FRY: variants seen among roughly 807,000 people sequenced by gnomAD.
FRY encodes protein furry homolog.
Under a neutral mutation model 348.4 loss-of-function variants are expected in FRY, and 128 were observed. The observed-to-expected ratio is 0.37, with a 90% confidence interval of 0.32 to 0.43. The LOEUF (loss-of-function observed/expected upper bound fraction) is 0.43. Ranked by LOEUF, FRY falls within the 20% of genes least tolerant of loss-of-function variation. FRY has a pLI of 1.00. For synonymous variants in FRY, 1,370 were observed against 1,374.7 expected (o/e 1.00, Z 0.08); for missense variants, 2,736 against 3,695.2 (o/e 0.74, Z 6.73).
Position 32,057,538 on chromosome 13 carries a change from C to T in FRY, c.71-21296C>T, listed in dbSNP as rs563404783. On this transcript the variant is annotated intron_variant, in intron 1 of 60. Transcript: ENST00000542859. ...TTTATGCTAATAAGTAGCTATTGGC[C>T]GGTAGCCTAAGAACAGTCCTCCCAG... is the stretch of plus-strand genomic sequence containing the variant. 1.8e-3 allele frequency among the ~76,000 whole-genome samples: 268 copies of T among 152,228 alleles called. 2 individuals carry two copies. Among genetic ancestry groups the T allele is most frequent in the African/African-American group, 4.9e-3 (203 of 41,522 alleles).
intron 1 of FRY, among the ~76,000 whole-genome samples, chr13:32,042,694 G>A (rs1469092756): frequency 6.6e-6 from 1 of 152,204 alleles, no homozygotes; most frequent in Non-Finnish European, 1.5e-5. Context: ...GGGCTTTCTT[G>A]TAACAAGAAG....
intron 2 of FRY, among the ~76,000 whole-genome samples, chr13:32,092,810 A>T (rs1334224870): frequency 6.6e-6 from 1 of 152,220 alleles, no homozygotes; most frequent in Non-Finnish European, 1.5e-5. Flanking sequence ...GCAAATGGGG[A>T]GAAATGAACA....
intron 58 of FRY, among the ~76,000 whole-genome samples, chr13:32,283,806 A>C (rs929683514): frequency 6.6e-6 from 1 of 152,236 alleles, no homozygotes; most frequent in African/African-American, 2.4e-5. Context: ...ATTTGCGGAC[A>C]CTGCTTTAGT....
At chr13:32,093,842 G>A (rs1876500641) in intron 2 of FRY, among the ~76,000 whole-genome samples, 1 of 152,240 alleles carries the variant, frequency 6.6e-6, no homozygotes, top group African/African-American at 2.4e-5. Flanking sequence ...TGCTTTTTCA[G>A]AATGATTTTG....
rs752214826 is a variant in FRY at position 32,295,410 on chromosome 13, G to A, written c.8992G>A (p.Val2998Ile). 17 of 1,612,548 alleles carry A rather than the reference G, an allele frequency of 1.1e-5. No homozygotes were observed. The East Asian group carries it at 3.8e-4, about 36-fold the overall frequency. ...GATCCGCAGGGCCCAGAGTTACCGA[G>A]TCCTCACTACTTTTCTTCCAGACTC... ...DMIRRAQSYR[V>I]LTTFLPDSSV... The change falls in exon 61 of 61, where the codon GTC becomes ATC. Residue 2998 changes from valine (V) to isoleucine (I), a missense_variant. Transcript: ENST00000542859.
rs1244329852 is a variant in FRY at position 32,155,583 on chromosome 13, T to C, written c.1572T>C (p.Val524=). 1.2e-6 allele frequency: 2 copies of C among 1,613,514 alleles called. No homozygotes were observed. The highest frequency in any genetic ancestry group is 1.7e-5 in the Admixed American group (1 of 60,020). The change falls in exon 15 of 61, where the codon GTT becomes GTC. Residue 524 remains valine, a synonymous_variant. Coordinates refer to ENST00000542859, the MANE Select transcript of FRY (RefSeq NM_023037.3). The part of the protein sequence containing the change: ...GEPPMPVTGA[V]LPSGNTLRVK... ...CTCCCATGCCGGTTACAGGAGCCGT[T>C]CTTCCTTCAGGAAACACGTTAAGAG...
chr13:32,265,508 CCATCAATGAA>C lies in FRY; in HGVS notation c.7840_7849del (p.Ile2614SerfsTer15). On this transcript the variant is annotated frameshift_variant, in exon 54 of 61. Transcript: ENST00000542859. LOFTEE classifies it high-confidence loss of function. ...GTGCATGAGGATGATCTTTCTAGTT[CCATCAATGAA>C]CTCCCAGCAGCTTTTGAATGCAGCG... The C allele has an allele frequency of 6.2e-7, 1 of 1,614,122 alleles. No individual in the cohort carries two copies. The highest frequency in any genetic ancestry group is 8.5e-7 in the Non-Finnish European group (1 of 1,179,988).
chr13:32,151,248 G>GTCAGTGCGTAATTAGTTAACC (rs1880772539), intron 14 of FRY, among the ~76,000 whole-genome samples: 2 of 152,166 alleles, frequency 1.3e-5, no homozygotes. Context: ...TCCTCATTCA[G>GTCAGTGCGTAATTAGTTAACC]TCAGTGCGTA....
Position 32,298,065 on chromosome 13 carries a change from C to T in FRY, c.*2605C>T, listed in dbSNP as rs2072092419. On this transcript the variant is annotated 3_prime_UTR_variant, in exon 61 of 61. Transcript: ENST00000542859. Reference sequence around the variant, plus strand: ...CGTGAATGTCATTCCCACCTCTAACCCATCTAACATCGGTGAGATGTTAAG... The same window carrying T: ...CGTGAATGTCATTCCCACCTCTAACTCATCTAACATCGGTGAGATGTTAAG... 6.6e-6 allele frequency: 1 copy of T among 152,200 alleles called. No individual in the cohort carries two copies. Among genetic ancestry groups the T allele is most frequent in the Admixed American group, 6.5e-5 (1 of 15,278 alleles). The allele number at this position is 152,200 out of a possible 1,614,324, so 9.4% of individuals were successfully genotyped here. A position where few individuals can be genotyped will look rare whatever the true frequency, so the allele number is the denominator to read the frequency against.
At chr13:32,198,299 A>C (rs988892544) in intron 29 of FRY, among the ~76,000 whole-genome samples, 1 of 152,154 alleles carries the variant, frequency 6.6e-6, no homozygotes, top group South Asian at 2.1e-4. Flanking sequence ...GTATATTTGT[A>C]TATATATAAA....
chr13:32,184,926 C>G (rs373489940), intron 25 of FRY, 50 bp from the exon 26 acceptor site: 1 of 1,499,734 alleles, frequency 6.7e-7, no homozygotes, highest in African/African-American at 1.4e-5. Context: ...GCCTGTATTA[C>G]TTTGACATAA....
At chr13:32,257,524 A>T (rs1467409191) in intron 51 of FRY, among the ~76,000 whole-genome samples, 1 of 152,240 alleles carries the variant, frequency 6.6e-6, no homozygotes, top group Non-Finnish European at 1.5e-5. Flanking sequence ...AAGCATCATG[A>T]TCACAAACAC....
chr13:32,199,069 C>CTCCT (rs1460854737), intron 29 of FRY, among the ~76,000 whole-genome samples: 1 of 152,158 alleles, frequency 6.6e-6, no homozygotes, highest in Non-Finnish European at 1.5e-5. Context: ...TATTTGAACG[C>CTCCT]AGGACATTTA....
At chr13:32,061,460 A>G (rs890907050) in intron 1 of FRY, among the ~76,000 whole-genome samples, 6 of 152,234 alleles carry the variant, frequency 3.9e-5, no homozygotes, top group African/African-American at 1.4e-4. Context: ...AAGATTTGGT[A>G]TGACACTGCA....
chr13:32,247,214 A>T, intron 47 of FRY, 109 bp from the exon 48 acceptor site: 1 of 855,090 alleles, frequency 1.2e-6, no homozygotes, highest in Non-Finnish European at 1.9e-6. Flanking sequence ...GCGCTGTTTT[A>T]AGTCAGTGAA....
intron 14 of FRY, among the ~76,000 whole-genome samples, chr13:32,150,969 G>A (rs978596742): frequency 1.3e-5 from 2 of 152,212 alleles, no homozygotes; most frequent in African/African-American, 4.8e-5. Context: ...AATGGCTGCA[G>A]CCAGGGTCTC....
chr13:32,219,247 C>G (rs187484472), intron 36 of FRY, among the ~76,000 whole-genome samples: 416 of 150,280 alleles, frequency 2.8e-3, no homozygotes, highest in Middle Eastern at 0.01. Context: ...CACCACCACG[C>G]CCAGCTAATT....
rs769827550 is a variant in FRY, at chr13:32,239,914, G to T, written c.6687+33G>T. On this transcript the variant is annotated intron_variant, in intron 46 of 60. Coordinates refer to ENST00000542859, the MANE Select transcript of FRY (RefSeq NM_023037.3). The surrounding 1 kb of genome is among the most constrained non-coding windows in gnomAD (Gnocchi z 4.3). ...TTTTTTTTTTGTTTTTTGAGACAGG[G>T]TCTCATTATGTTGCCCAGGCTGATC... 5 of 1,580,860 alleles carry T rather than the reference G, an allele frequency of 3.2e-6. No individual in the cohort carries two copies. The highest frequency in any genetic ancestry group is 4.3e-6 in the Non-Finnish European group (5 of 1,153,994).
intron 7 of FRY, among the ~76,000 whole-genome samples, chr13:32,127,883 CTTCCCT>C (rs1566086461): frequency 6.6e-6 from 1 of 152,100 alleles, no homozygotes; most frequent in African/African-American, 2.4e-5. Flanking sequence ...ATGCAAATAA[CTTCCCT>C]TTTTCTCTCT....
Sources: gnomAD v4.1 joint callset for allele counts (sites outside exome capture counted in the v4.1 genomes callset) on GRCh38, gnomAD v4.1.1 for gene constraint, Gnocchi (gnomAD v3.1) non-coding constraint, MANE v1.5 for transcripts, NCBI Gene and HGNC (gene_info 2026-07-23, HGNC 2026-07-21) for gene names.